LMAN1L: variants seen among roughly 807,000 people sequenced by gnomAD.
The protein encoded by LMAN1L is protein ERGIC-53-like.
In LMAN1L, 60 loss-of-function variants were observed where a neutral mutation model predicts 58.3. That is an observed-to-expected ratio of 1.03 (90% CI 0.84 to 1.27). The LOEUF (loss-of-function observed/expected upper bound fraction) is 1.27. Among genes scored for constraint, LMAN1L ranks in the 50% most tolerant of loss-of-function variants. The pLI is 0.00. For synonymous variants in LMAN1L, 280 were observed against 271.6 expected, an observed-to-expected ratio of 1.03 and a Z score of -0.31; for missense variants, 629 against 674.0, an observed-to-expected ratio of 0.93 and a Z score of 0.74.
chr15:74,819,905 TAAGC>T, intron 6 of LMAN1L, 135 bp from the exon 7 acceptor site: 1 of 782,396 alleles, frequency 1.3e-6, no homozygotes, highest in Admixed American at 1.9e-5. Flanking sequence ...TCCTAGGAAG[TAAGC>T]AAGACAAGCA....
At position 74,823,552 on chromosome 15, in the gene LMAN1L, C is replaced by T. The variant is rs371438682; in HGVS notation, c.1200-7C>T. ...AGTCATCTTACTTGGTTACCACCCC[C>T]GGTTAGGGATGCAGCTGTCCGCATG... On this transcript the variant is annotated splice_polypyrimidine_tract_variant and splice_region_variant and intron_variant, in intron 11 of 13. Transcript: ENST00000309664. The T allele has an allele frequency of 4.3e-6, 7 of 1,613,392 alleles. No homozygotes were observed. The highest frequency in any genetic ancestry group is 1.1e-5 in the South Asian group (1 of 91,062).
chr15:74,822,313 C>T (rs938238920), intron 10 of LMAN1L, among the ~76,000 whole-genome samples: 6 of 152,156 alleles, frequency 3.9e-5, no homozygotes, highest in South Asian at 2.1e-4. Flanking sequence ...TAGCAGTGAG[C>T]TGAGATTGTG....
chr15:74,825,442 C>T (rs565431325), intron 13 of LMAN1L, 34 bp from the exon 14 acceptor site: 52 of 1,588,466 alleles, frequency 3.3e-5, no homozygotes, highest in African/African-American at 2.8e-4. Context: ...AAAGGAGAGA[C>T]GCAAGTAACC....
chr15:74,822,280 C>T (rs569236788), intron 10 of LMAN1L, among the ~76,000 whole-genome samples: 1 of 152,158 alleles, frequency 6.6e-6, no homozygotes, highest in East Asian at 1.9e-4. Context: ...GCAGAAGAAT[C>T]GCTTGAACCC....
At chr15:74,814,760 C>G (rs1457473504) in intron 1 of LMAN1L, among the ~76,000 whole-genome samples, 1 of 151,586 alleles carries the variant, frequency 6.6e-6, no homozygotes, top group Non-Finnish European at 1.5e-5. Context: ...CCGCCTGCCT[C>G]GGCTTCCCAA....
At chr15:74,823,913 TCAG>T in intron 12 of LMAN1L, 14 of 564,744 alleles carry the variant, frequency 2.5e-5, no homozygotes, top group Non-Finnish European at 3.5e-5. Context: ...TCCCACAGAC[TCAG>T]CAGCAGCAGG....
intron 13 of LMAN1L, 71 bp from the exon 14 acceptor site, chr15:74,825,405 G>T: frequency 6.6e-7 from 1 of 1,525,596 alleles, no homozygotes; most frequent in South Asian, 1.2e-5. Flanking sequence ...AGGCAAGCAT[G>T]AGAGTCCTGG....
chr15:74,821,691 G>C, intron 9 of LMAN1L, 138 bp from the exon 10 acceptor site: 1 of 634,478 alleles, frequency 1.6e-6, no homozygotes, highest in East Asian at 2.7e-5. Flanking sequence ...GAGGCCAGCA[G>C]CTCTTGTGGG....
At chr15:74,819,338 T>A in intron 6 of LMAN1L, 66 bp downstream of exon 6, 2 of 1,570,710 alleles carry the variant, frequency 1.3e-6, no homozygotes, top group Non-Finnish European at 1.7e-6. Flanking sequence ...TCAGCACACC[T>A]TCTAAAGAGC....
intron 5 of LMAN1L, 43 bp downstream of exon 5, chr15:74,818,860 A>G (rs1286221206): frequency 6.6e-7 from 1 of 1,526,634 alleles, no homozygotes. Context: ...TGAGTTACAG[A>G]GCTGCTATGT....
chr15:74,824,039 C>A, intron 12 of LMAN1L: 1 of 496,312 alleles, frequency 2.0e-6, no homozygotes, highest in Non-Finnish European at 3.6e-6. Flanking sequence ...CCTGTCCCAT[C>A]CTCGTTCCCT....
Position 74,819,157 on chromosome 15 carries a change from C to T in LMAN1L, c.603C>T (p.Ser201=). The T allele has an allele frequency of 6.2e-7, 1 of 1,611,650 alleles. No individual in the cohort carries two copies. Among genetic ancestry groups the T allele is most frequent in the Non-Finnish European group, 8.5e-7 (1 of 1,178,700 alleles). The change falls in exon 6 of 14, where the codon TCC becomes TCT. Residue 201 remains serine (S), a synonymous_variant. Coordinates refer to ENST00000309664, the MANE Select transcript of LMAN1L (RefSeq NM_021819.3). ...ACTCTCTCCATGTCCCTCAGATGTCCTTGAACAGTGGCCTCACTCCCAGTG... is the reference window on the plus strand; with the variant it reads ...ACTCTCTCCATGTCCCTCAGATGTCTTTGAACAGTGGCCTCACTCCCAGTG... ...ITYWGQRLRM[S]LNSGLTPSDP... is the part of the protein sequence containing the mutation.
Position 74,816,458 on chromosome 15 carries a change from T to G in LMAN1L, c.362T>G (p.Val121Gly). Residue 121 changes from valine (V) to glycine (G), a missense_variant, in exon 3 of 14, where the codon GTA (valine) becomes GGA (glycine). Coordinates refer to ENST00000309664, the MANE Select transcript of LMAN1L (RefSeq NM_021819.3). ...AVWYTRGRGHVGSVLGGLASW... is the reference protein window; with the variant it reads ...AVWYTRGRGHGGSVLGGLASW... Reference sequence around the variant, plus strand: ...TGGTACACCCGGGGCAGGGGCCATGTAGGCTCTGTCCTTGGGGGGCTGGCT... The same window carrying G: ...TGGTACACCCGGGGCAGGGGCCATGGAGGCTCTGTCCTTGGGGGGCTGGCT... 6.4e-7 allele frequency: 1 copy of G among 1,554,420 alleles called. No individual in the cohort carries two copies. Among genetic ancestry groups the G allele is most frequent in the Non-Finnish European group, 8.7e-7 (1 of 1,146,790 alleles).
Position 74,816,300 on chromosome 15 carries a change from GC to G in LMAN1L, c.322del (p.Gln108ArgfsTer14). On this transcript the variant is annotated frameshift_variant, in exon 2 of 14. Coordinates refer to ENST00000309664, the MANE Select transcript of LMAN1L (RefSeq NM_021819.3). LOFTEE classifies it high-confidence loss of function. ...MRVTGLGRRG[A>X]QGMAVWYTRG... ...GGTGACGGGACTGGGGCGCCGGGGA[GC>G]CCAGGGCATGGTGAGTGTCCTCTCC... is the stretch of plus-strand genomic sequence containing the variant. The G allele has an allele frequency of 6.2e-7, 1 of 1,612,266 alleles. No homozygotes were observed. Among genetic ancestry groups the G allele is most frequent in the Non-Finnish European group, 8.5e-7 (1 of 1,179,844 alleles).
intron 1 of LMAN1L, chr15:74,813,449 G>A (rs1173898366): frequency 6.5e-6 from 3 of 458,386 alleles, no homozygotes; most frequent in East Asian, 1.4e-4. Context: ...GAGAACTGGG[G>A]GCTACCTGGA....
intron 1 of LMAN1L, chr15:74,813,456 T>A (rs1246189479): frequency 2.2e-6 from 1 of 457,920 alleles, no homozygotes; most frequent in Admixed American, 2.3e-5. Flanking sequence ...GGGGGCTACC[T>A]GGAGGGAAGC....
chr15:74,819,348 C>A (rs770543433), intron 6 of LMAN1L, 76 bp downstream of exon 6: 1 of 1,540,002 alleles, frequency 6.5e-7, no homozygotes, highest in African/African-American at 1.4e-5. Context: ...TTCTAAAGAG[C>A]ACTGGGGTGG....
rs2063906578 is a variant in LMAN1L at position 74,819,280 on chromosome 15, T to G, written c.718+8T>G. 3 of 1,613,834 alleles carry G rather than the reference T, an allele frequency of 1.9e-6. No individual in the cohort carries two copies. The African/African-American group carries it at 4.0e-5, about 22-fold the overall frequency. On this transcript the variant is annotated splice_region_variant and intron_variant, in intron 6 of 13. Coordinates refer to ENST00000309664, the MANE Select transcript of LMAN1L (RefSeq NM_021819.3). ...CCACCGGCACCCTGGCAGGTGAGGA[T>G]CCCACTGGACAGGTAAGAGCAGAAG... is the stretch of plus-strand genomic sequence containing the variant.
intron 10 of LMAN1L, 85 bp downstream of exon 10, chr15:74,821,985 C>T: frequency 4.6e-6 from 4 of 876,768 alleles, no homozygotes; most frequent in South Asian, 4.5e-5. Context: ...GAGGACTGGG[C>T]TGGGCCTCTG....
Sources: gnomAD v4.1 joint callset for allele counts (sites outside exome capture counted in the v4.1 genomes callset) on GRCh38, gnomAD v4.1.1 for gene constraint, MANE v1.5 for transcripts, NCBI Gene and HGNC (gene_info 2026-07-23, HGNC 2026-07-21) for gene names.